The following VDAC1 variants were observed in gnomAD, a reference collection of about 807,000 sequenced individuals.
The protein encoded by VDAC1 is non-selective voltage-gated ion channel VDAC1.
In VDAC1, 10 loss-of-function variants were observed where a neutral mutation model predicts 34.7. The ratio of observed to expected loss-of-function variants is 0.29; its 90% confidence interval spans 0.18 to 0.49. The LOEUF (loss-of-function observed/expected upper bound fraction) is 0.49. Among genes scored for constraint, VDAC1 ranks in the 20% least tolerant of loss-of-function variants. VDAC1 has a pLI of 0.99. For synonymous variants in VDAC1, 130 were observed against 136.0 expected, an observed-to-expected ratio of 0.96 and a Z score of 0.30; for missense variants, 230 against 347.9, an observed-to-expected ratio of 0.66 and a Z score of 2.69.
chr5:134,052,573 G>C, the VDAC1 span, among the ~76,000 whole-genome samples: 2 of 152,034 alleles, frequency 1.3e-5, no homozygotes, highest in South Asian at 4.1e-4. Context: ...ATGAGTCACC[G>C]TGCTCAACCA....
chr5:134,000,901 T>G (rs1398548838), intron 1 of VDAC1, among the ~76,000 whole-genome samples: 1 of 152,180 alleles, frequency 6.6e-6, no homozygotes, highest in Non-Finnish European at 1.5e-5. Flanking sequence ...GAGTCCTTCA[T>G]GTCCACAATG....
In VDAC1 at chr5:133,987,300, GCAATGAGCCGAGATCA is replaced by G. The variant is rs1561589097; in HGVS notation, c.323+3539_323+3554del. On this transcript the variant is annotated intron_variant, in intron 5 of 8. Coordinates refer to ENST00000265333, the MANE Select transcript of VDAC1 (RefSeq NM_003374.3). ...CCCTTGAGCCAGGGAGGCAGAGGTT[GCAATGAGCCGAGATCA>G]TACCACTGCACTCCAGCCTAGGTGA... Among the ~76,000 whole-genome samples, 6 of 152,180 alleles carry G rather than the reference GCAATGAGCCGAGATCA, an allele frequency of 3.9e-5. No homozygotes were observed. The South Asian group carries it at 1.2e-3, about 32-fold the overall frequency.
At chr5:134,060,880 C>CTTTTTTTTT in the VDAC1 span, among the ~76,000 whole-genome samples, 41,151 of 96,916 alleles carry the variant, frequency 0.42, 11,044 homozygotes, top group Non-Finnish European at 0.45. Context: ...TCTTCTTCTT[C>CTTTTTTTTT]TTTTTTTTTT....
the VDAC1 span, among the ~76,000 whole-genome samples, chr5:134,051,783 C>G: frequency 6.6e-6 from 1 of 151,772 alleles, no homozygotes; most frequent in African/African-American, 2.4e-5. Context: ...ACTGCAACCT[C>G]CACCTCCCAG....
chr5:134,073,129 C>A, the VDAC1 span, among the ~76,000 whole-genome samples: 1 of 152,176 alleles, frequency 6.6e-6, no homozygotes, highest in African/African-American at 2.4e-5. Context: ...ACCTCTGGAC[C>A]CATCACCAGT....
chr5:133,979,911 C>T (rs1001529968), intron 6 of VDAC1, among the ~76,000 whole-genome samples: 1 of 152,262 alleles, frequency 6.6e-6, no homozygotes, highest in Admixed American at 6.5e-5. Context: ...TATAGTTTTC[C>T]TGTGACTTTT....
the VDAC1 span, among the ~76,000 whole-genome samples, chr5:134,082,884 G>A: frequency 5.8e-4 from 88 of 152,262 alleles, 1 homozygote; most frequent in Middle Eastern, 0.017. Context: ...TCAGGGAAAT[G>A]CAGATTAATA....
At chr5:134,057,219 C>T in the VDAC1 span, among the ~76,000 whole-genome samples, 1 of 152,178 alleles carries the variant, frequency 6.6e-6, no homozygotes, top group African/African-American at 2.4e-5. Flanking sequence ...GTGGCTCATG[C>T]CTGTAATCCC....
rs1753094648 is a variant in VDAC1 at position 133,991,300 on chromosome 5, T to C, written c.118-146A>G. On this transcript the variant is annotated intron_variant, in intron 3 of 8. Transcript: ENST00000265333. ...GCTAACTCTACAATTCAAATAGATA[T>C]TTAAAGTACAGATGGGAGTAAAGGA... 5 of 1,022,154 alleles carry C rather than the reference T, an allele frequency of 4.9e-6. No individual in the cohort carries two copies. In the Admixed American group the frequency reaches 8.1e-5, roughly 17 times the overall value. 63.3% of individuals were successfully genotyped at this position (1,022,154 alleles called of 1,614,324 possible).
At chr5:134,088,060 C>T in the VDAC1 span, among the ~76,000 whole-genome samples, 5 of 151,898 alleles carry the variant, frequency 3.3e-5, no homozygotes, top group African/African-American at 1.2e-4. Context: ...GAGGCTGAGG[C>T]AGGAGAATCG....
At chr5:134,013,670 C>T in the VDAC1 span, among the ~76,000 whole-genome samples, 2 of 151,564 alleles carry the variant, frequency 1.3e-5, no homozygotes, top group Admixed American at 6.6e-5. Flanking sequence ...GGGCTGGGCA[C>T]GGTGGCTCAC....
the VDAC1 span, among the ~76,000 whole-genome samples, chr5:134,080,438 C>T: frequency 1.6e-5 from 2 of 123,570 alleles, no homozygotes; most frequent in African/African-American, 5.9e-5. Context: ...CAGCCCCAGA[C>T]CCCTGTCTGT....
the VDAC1 span, among the ~76,000 whole-genome samples, chr5:134,047,215 G>A: frequency 6.6e-6 from 1 of 152,312 alleles, no homozygotes; most frequent in South Asian, 2.1e-4. Flanking sequence ...ACAAAGGGAT[G>A]CTTTTTGCAT....
chr5:134,027,419 G>C, the VDAC1 span, among the ~76,000 whole-genome samples: 1 of 152,290 alleles, frequency 6.6e-6, no homozygotes, highest in South Asian at 2.1e-4. Context: ...AGAACATGGG[G>C]GACAAGAGAG....
the VDAC1 span, among the ~76,000 whole-genome samples, chr5:134,017,530 C>T: frequency 6.6e-6 from 1 of 152,178 alleles, no homozygotes; most frequent in Non-Finnish European, 1.5e-5. Flanking sequence ...GGGACCAGCT[C>T]TGCTTTGTCC....
chr5:133,975,242 G>T (rs1287289771), intron 7 of VDAC1, among the ~76,000 whole-genome samples: 1 of 151,812 alleles, frequency 6.6e-6, no homozygotes, highest in African/African-American at 2.4e-5. Context: ...CATCCAACCT[G>T]GGCCTTGTCT....
At chr5:134,080,492 G>T in the VDAC1 span, among the ~76,000 whole-genome samples, 5 of 151,972 alleles carry the variant, frequency 3.3e-5, no homozygotes. Context: ...CCTCCACGGA[G>T]GTACAGTACC....
intron 1 of VDAC1, among the ~76,000 whole-genome samples, chr5:134,002,045 G>A (rs1043919609): frequency 5.3e-5 from 8 of 152,000 alleles, no homozygotes; most frequent in Non-Finnish European, 1.0e-4. Context: ...TCCAAGCTTC[G>A]GCTGGTCCTC....
chr5:134,065,783 T>C, the VDAC1 span, among the ~76,000 whole-genome samples: 2 of 141,958 alleles, frequency 1.4e-5, no homozygotes, highest in African/African-American at 2.7e-5. Context: ...AAGGGCCAGA[T>C]AGTAAATTTT....
Sources: gnomAD v4.1 joint callset for allele counts (sites outside exome capture counted in the v4.1 genomes callset) on GRCh38, gnomAD v4.1.1 for gene constraint, MANE v1.5 for transcripts, NCBI Gene and HGNC (gene_info 2026-07-23, HGNC 2026-07-21) for gene names.